The following PRKG1 variants were observed in gnomAD, a reference collection of about 807,000 sequenced individuals.
PRKG1 encodes cGMP-dependent protein kinase 1.
A neutral mutation model predicts 88.1 loss-of-function variants in PRKG1; 35 were observed. That is an observed-to-expected ratio of 0.40 (90% CI 0.30 to 0.53). The LOEUF is 0.53. PRKG1 is among the 20% of genes least tolerant of loss of function. PRKG1 has a pLI of 0.59. For missense variants in PRKG1, 540 were observed against 839.8 expected, an observed-to-expected ratio of 0.64 and a Z score of 4.41; for synonymous variants, 303 against 292.5, an observed-to-expected ratio of 1.04 and a Z score of -0.37.
intron 1 of PRKG1, among the ~76,000 whole-genome samples, chr10:51,053,524 T>G (rs1243375042): frequency 6.6e-6 from 1 of 152,186 alleles, no homozygotes; most frequent in African/African-American, 2.4e-5. Context: ...GAGGTATACA[T>G]GCATCACCCC....
At chr10:52,112,556 T>G (rs1334987416) in intron 7 of PRKG1, among the ~76,000 whole-genome samples, 2 of 152,188 alleles carry the variant, frequency 1.3e-5, no homozygotes, top group African/African-American at 4.8e-5. Flanking sequence ...ATAGGATTCT[T>G]TCTCTCATCT....
chr10:51,617,361 G>A (rs572880643), intron 3 of PRKG1, among the ~76,000 whole-genome samples: 24 of 151,860 alleles, frequency 1.6e-4, no homozygotes, highest in South Asian at 6.3e-4. Context: ...TTATCTACTC[G>A]CTATTTTGGT....
intron 3 of PRKG1, among the ~76,000 whole-genome samples, chr10:51,766,926 G>C (rs758048754): frequency 6.6e-6 from 1 of 152,044 alleles, no homozygotes; most frequent in African/African-American, 2.4e-5. Flanking sequence ...CTGCTCTGCC[G>C]GAAGCCTGCA....
At chr10:51,232,430 A>G (rs990837864) in intron 2 of PRKG1, among the ~76,000 whole-genome samples, 2 of 152,166 alleles carry the variant, frequency 1.3e-5, no homozygotes, top group African/African-American at 2.4e-5. Flanking sequence ...TTTGAGATAG[A>G]CACTTTGATG....
At chr10:52,157,590 C>G (rs1838156507) in intron 8 of PRKG1, among the ~76,000 whole-genome samples, 2 of 151,216 alleles carry the variant, frequency 1.3e-5, no homozygotes, top group Admixed American at 6.6e-5. Flanking sequence ...AATAACTAAA[C>G]TTATTACCCA....
chr10:51,132,907 A>AC (rs369930162), intron 1 of PRKG1, among the ~76,000 whole-genome samples: 10 of 152,178 alleles, frequency 6.6e-5, no homozygotes, highest in African/African-American at 1.7e-4. Context: ...ATCAGAGTGT[A>AC]CCCCATAAAT....
intron 9 of PRKG1, among the ~76,000 whole-genome samples, chr10:52,197,416 A>G (rs1484413271): frequency 6.6e-6 from 1 of 152,250 alleles, no homozygotes; most frequent in East Asian, 1.9e-4. Flanking sequence ...AATGATATCA[A>G]GAGAATAGAA....
intron 10 of PRKG1, among the ~76,000 whole-genome samples, chr10:52,254,317 G>A (rs1841257666): frequency 6.6e-6 from 1 of 151,924 alleles, no homozygotes; most frequent in Admixed American, 6.6e-5. Flanking sequence ...TGCTATTGAA[G>A]CAATATCTAA....
chr10:51,801,767 G>A (rs1283795914), intron 3 of PRKG1, among the ~76,000 whole-genome samples: 2 of 152,082 alleles, frequency 1.3e-5, no homozygotes, highest in Non-Finnish European at 2.9e-5. Flanking sequence ...ACTGTTTCAT[G>A]CATTGAAGTT....
At chr10:51,521,060 G>A (rs976312487) in intron 3 of PRKG1, among the ~76,000 whole-genome samples, 2 of 152,344 alleles carry the variant, frequency 1.3e-5, no homozygotes, top group South Asian at 4.1e-4. Flanking sequence ...AGGCCAAGGC[G>A]GGTGGATCAC....
chr10:51,679,639 A>G (rs1282144586), intron 3 of PRKG1, among the ~76,000 whole-genome samples: 2 of 150,452 alleles, frequency 1.3e-5, no homozygotes, highest in African/African-American at 2.4e-5. Context: ...TATTCCCCAC[A>G]TCACCAAACC....
intron 2 of PRKG1, among the ~76,000 whole-genome samples, chr10:51,211,997 T>C (rs1202291428): frequency 6.6e-6 from 1 of 152,052 alleles, no homozygotes; most frequent in East Asian, 1.9e-4. Flanking sequence ...AAAAAGAGCC[T>C]GCATTGCCAA....
chr10:52,196,018 G>GT (rs201735268), intron 9 of PRKG1, among the ~76,000 whole-genome samples: 2,635 of 150,446 alleles, frequency 0.018, 69 homozygotes, highest in African/African-American at 0.05. Flanking sequence ...TTTGTTTTTT[G>GT]TTTTTTTTTC....
chr10:52,061,173 T>C (rs1298402799), intron 6 of PRKG1, among the ~76,000 whole-genome samples: 1 of 151,948 alleles, frequency 6.6e-6, no homozygotes, highest in African/African-American at 2.4e-5. Flanking sequence ...TAGTGGTAAG[T>C]AAAAGTGTTA....
At chr10:51,714,173 G>T (rs976197510) in intron 3 of PRKG1, among the ~76,000 whole-genome samples, 8 of 152,070 alleles carry the variant, frequency 5.3e-5, no homozygotes, top group Non-Finnish European at 1.2e-4. Flanking sequence ...TAGAGACGGG[G>T]TTTCACTGTG....
At chr10:51,316,890 TG>T (rs1282280511) in intron 2 of PRKG1, among the ~76,000 whole-genome samples, 1 of 152,122 alleles carries the variant, frequency 6.6e-6, no homozygotes, top group African/African-American at 2.4e-5. Flanking sequence ...CTTGAGATAT[TG>T]TACAAAAATG....
intron 5 of PRKG1, among the ~76,000 whole-genome samples, chr10:52,018,395 G>A (rs957655856): frequency 2.6e-5 from 4 of 152,080 alleles, no homozygotes; most frequent in African/African-American, 9.7e-5. Context: ...GGTTTTTTAT[G>A]TCCATTTTTA....
chr10:51,326,140 A>G (rs1368643284), intron 2 of PRKG1, among the ~76,000 whole-genome samples: 1 of 152,234 alleles, frequency 6.6e-6, no homozygotes, highest in Non-Finnish European at 1.5e-5. Context: ...GCAGTTGAAT[A>G]GACTTATGAT....
chr10:51,204,805 T>C (rs1838005313), intron 2 of PRKG1, among the ~76,000 whole-genome samples: 1 of 152,150 alleles, frequency 6.6e-6, no homozygotes, highest in Non-Finnish European at 1.5e-5. Context: ...GTCTTTCAGT[T>C]TGATTTTATC....
Sources: allele counts gnomAD v4.1 joint callset (sites outside exome capture counted in the v4.1 genomes callset), GRCh38; gene constraint gnomAD v4.1.1; transcripts MANE v1.5; gene names NCBI Gene and HGNC (gene_info 2026-07-23, HGNC 2026-07-21).